WNK2: variants seen among roughly 807,000 people sequenced by gnomAD.
The protein encoded by WNK2 is serine/threonine-protein kinase WNK2.
In WNK2, 67 loss-of-function variants were observed where a neutral mutation model predicts 192.1. The observed-to-expected ratio is 0.35, with a 90% CI of 0.29 to 0.43. The LOEUF (loss-of-function observed/expected upper bound fraction) is 0.43. Among genes scored for constraint, WNK2 ranks in the 20% least tolerant of loss-of-function variants. WNK2 has a pLI of 1.00. For missense variants in WNK2, 2,698 were observed against 3,089.7 expected, an observed-to-expected ratio of 0.87 and a Z score of 3.01; for synonymous variants, 1,439 against 1,393.9, an observed-to-expected ratio of 1.03 and a Z score of -0.72.
intron 28 of WNK2, among the ~76,000 whole-genome samples, chr9:93,313,263 T>G (rs1006095922): frequency 7.2e-5 from 11 of 152,240 alleles, no homozygotes; most frequent in African/African-American, 2.7e-4. Context: ...CCTTCCTGTT[T>G]TATTTGCTTT....
chr9:93,317,409 G>C (rs1854889186), intron 28 of WNK2, 111 bp from the exon 29 acceptor site: 1 of 1,029,458 alleles, frequency 9.7e-7, no homozygotes. Flanking sequence ...GCAGGTTCCA[G>C]GACTGCTGCC....
chr9:93,312,130 T>C (rs540153830), intron 28 of WNK2, among the ~76,000 whole-genome samples: 4 of 152,144 alleles, frequency 2.6e-5, no homozygotes, highest in African/African-American at 9.6e-5. Flanking sequence ...CATTGTTGAG[T>C]TTTAGGAATT....
intron 28 of WNK2, chr9:93,308,988 T>G (rs1588621589): frequency 5.7e-5 from 59 of 1,026,370 alleles, no homozygotes; most frequent in Non-Finnish European, 6.9e-5. Context: ...GTCACCCAAG[T>G]GACACCAGCG....
intron 26 of WNK2, among the ~76,000 whole-genome samples, chr9:93,304,294 T>TG (rs921331223): frequency 6.6e-6 from 1 of 152,160 alleles, no homozygotes; most frequent in Non-Finnish European, 1.5e-5. Flanking sequence ...CACTTGCGCC[T>TG]GGGGGGCTTC....
intron 2 of WNK2, among the ~76,000 whole-genome samples, chr9:93,191,748 T>G (rs1830368750): frequency 6.6e-6 from 1 of 152,040 alleles, no homozygotes; most frequent in Non-Finnish European, 1.5e-5. Flanking sequence ...GTAGGAATCG[T>G]CCAGGCATGG....
intron 19 of WNK2, among the ~76,000 whole-genome samples, chr9:93,271,395 C>G (rs1207690287): frequency 6.6e-6 from 1 of 152,204 alleles, no homozygotes; most frequent in Non-Finnish European, 1.5e-5. Flanking sequence ...AAAATGTTAA[C>G]TTGCATGGAA....
At chr9:93,202,526 G>A (rs1444588007) in intron 2 of WNK2, among the ~76,000 whole-genome samples, 8 of 152,134 alleles carry the variant, frequency 5.3e-5, no homozygotes, top group African/African-American at 1.9e-4. Flanking sequence ...GCTTGGGAGG[G>A]GCGGGAACTG....
intron 19 of WNK2, among the ~76,000 whole-genome samples, chr9:93,282,874 T>A (rs1847938097): frequency 6.6e-6 from 1 of 152,238 alleles, no homozygotes; most frequent in African/African-American, 2.4e-5. Flanking sequence ...ACACAGAATA[T>A]TTTTAATTTA....
chr9:93,272,425 T>C (rs767630471), intron 19 of WNK2, among the ~76,000 whole-genome samples: 1 of 152,162 alleles, frequency 6.6e-6, no homozygotes, highest in Non-Finnish European at 1.5e-5. Flanking sequence ...GGCAAAATCA[T>C]AGTAGATAAG....
At chr9:93,245,689 TCTCTCTGTGGC>T (rs1841563827) in intron 7 of WNK2, among the ~76,000 whole-genome samples, 1 of 152,244 alleles carries the variant, frequency 6.6e-6, no homozygotes, top group Non-Finnish European at 1.5e-5. Context: ...TATTTCTTTA[TCTCTCTGTGGC>T]CTCATGGTTT....
chr9:93,238,756 C>T (rs1840243998), intron 6 of WNK2, among the ~76,000 whole-genome samples: 4 of 152,198 alleles, frequency 2.6e-5, no homozygotes, highest in South Asian at 2.1e-4. Flanking sequence ...GGAGCCCTGA[C>T]GTGTATTTCA....
chr9:93,312,758 G>T (rs1853900870), intron 28 of WNK2, among the ~76,000 whole-genome samples: 1 of 152,106 alleles, frequency 6.6e-6, no homozygotes, highest in African/African-American at 2.4e-5. Context: ...CCTTTGAATG[G>T]TCTTGGCCCC....
intron 2 of WNK2, among the ~76,000 whole-genome samples, chr9:93,210,507 C>T (rs1261119086): frequency 6.6e-6 from 1 of 152,106 alleles, no homozygotes; most frequent in African/African-American, 2.4e-5. Context: ...GGGAACTCGC[C>T]TTCCTGTGCG....
intron 25 of WNK2, 148 bp from the exon 26 acceptor site, chr9:93,299,903 C>T (rs1253254883): frequency 2.8e-6 from 1 of 356,248 alleles, no homozygotes; most frequent in Non-Finnish European, 5.3e-6. Context: ...ATTACATGGT[C>T]AGTGGCTTTG....
In WNK2 at chr9:93,209,995, A is replaced by G. The variant is rs561169658; in HGVS notation, c.682-19701A>G. ...GTGGCCTGGGAGAGATGGAAGATGC[A>G]TTTCCATGCTGTGGTGGGGAGTTGG... On this transcript the variant is annotated intron_variant, in intron 2 of 29. Coordinates refer to ENST00000427277, the MANE Select transcript of WNK2 (RefSeq NM_006648.4). Among the ~76,000 whole-genome samples the G allele has an allele frequency of 6.6e-5, 10 of 152,200 alleles. No homozygotes were observed. In the South Asian group the frequency reaches 2.1e-3, roughly 32 times the overall value.
At chr9:93,304,645 G>C (rs1852187613) in intron 26 of WNK2, among the ~76,000 whole-genome samples, 1 of 152,252 alleles carries the variant, frequency 6.6e-6, no homozygotes, top group African/African-American at 2.4e-5. Context: ...CAGGGGGCCA[G>C]GTGGGGGCTG....
At position 93,229,501 on chromosome 9, in the gene WNK2, G is replaced by A. The variant is rs747410616; in HGVS notation, c.682-195G>A. ...TTGCTGAGGTCCCTTTTTGGGGGCTGTGTCCAGGGTTGTGGGGACTAAGGA... is the reference window on the plus strand; with the variant it reads ...TTGCTGAGGTCCCTTTTTGGGGGCTATGTCCAGGGTTGTGGGGACTAAGGA... On this transcript the variant is annotated intron_variant, in intron 2 of 29. Transcript: ENST00000427277. The surrounding 1 kb of genome is among the most constrained non-coding windows in gnomAD (Gnocchi z 4.9). 6.6e-6 allele frequency among the ~76,000 whole-genome samples: 1 copy of A among 152,132 alleles called. No homozygotes were observed. Among genetic ancestry groups the A allele is most frequent in the Non-Finnish European group, 1.5e-5 (1 of 68,004 alleles).
intron 2 of WNK2, among the ~76,000 whole-genome samples, chr9:93,191,546 G>A (rs1217653874): frequency 1.3e-5 from 2 of 151,996 alleles, no homozygotes; most frequent in African/African-American, 4.8e-5. Flanking sequence ...GGATCTCTCT[G>A]GCCACCTTGG....
intron 23 of WNK2, among the ~76,000 whole-genome samples, chr9:93,293,795 C>T (rs992228837): frequency 6.6e-6 from 1 of 152,066 alleles, no homozygotes; most frequent in African/African-American, 2.4e-5. Context: ...CTGTCTGCCT[C>T]TCATCTGTCT....
Sources: allele counts gnomAD v4.1 joint callset (sites outside exome capture counted in the v4.1 genomes callset), GRCh38; gene constraint gnomAD v4.1.1; non-coding constraint Gnocchi (gnomAD v3.1); transcripts MANE v1.5; gene names NCBI Gene and HGNC (gene_info 2026-07-23, HGNC 2026-07-21).